KLF10: variants seen among roughly 807,000 people sequenced by gnomAD.
KLF10 encodes the protein Krueppel-like factor 10.
A neutral mutation model predicts 31.6 loss-of-function variants in KLF10; 17 were observed. That is an observed-to-expected ratio of 0.54 (90% CI 0.37 to 0.81). The LOEUF (loss-of-function observed/expected upper bound fraction) is 0.81. Among genes scored for constraint, KLF10 ranks in the 30% least tolerant of loss-of-function variants. The pLI, the probability that KLF10 is intolerant of heterozygous loss-of-function variation, is 0.00. For synonymous variants in KLF10, 239 were observed against 215.1 expected (o/e 1.11, Z -0.97); for missense variants, 525 against 598.1 (o/e 0.88, Z 1.27).
At position 102,649,084 on chromosome 8, in the gene KLF10, T is replaced by G. The variant is rs1457097095; in HGVS notation, c.*1048A>C. On this transcript the variant is annotated 3_prime_UTR_variant, in exon 4 of 4. Transcript: ENST00000285407. ...AAAGTGAATGTTCTAATAATTTTTC[T>G]ACCCAACTACCTCCACATCCCCAAA... 6.6e-6 allele frequency: 1 copy of G among 152,280 alleles called. No individual in the cohort carries two copies. Among genetic ancestry groups the G allele is most frequent in the Non-Finnish European group, 1.5e-5 (1 of 67,980 alleles). 9.4% of individuals were successfully genotyped at this position (152,280 alleles called of 1,614,324 possible).
rs754853764 is a variant in KLF10 at position 102,651,479 on chromosome 8, C to T, written c.853G>A (p.Val285Ile). The T allele has an allele frequency of 1.1e-5, 18 of 1,613,796 alleles. No individual in the cohort carries two copies. Among genetic ancestry groups the T allele is most frequent in the Admixed American group, 1.7e-5 (1 of 59,984 alleles). Residue 285 changes from valine to isoleucine, a missense_variant, in exon 3 of 4, where the codon GTT (valine) becomes ATT (isoleucine). Val to Ile is a conservative substitution (Grantham distance 29). This residue lies in a region of KLF10 where 434 missense variants were observed against 450.7 expected (regional missense o/e 0.96). Transcript: ENST00000285407. The stretch of plus-strand genomic sequence containing the variant: ...GTGCTGGGAACGACTGTTGTCACAA[C>T]AGGGTTGTTGGCAGGAAGGGGAACC... ...QMVPLPANNP[V>I]VTTVVPSTPP...
rs1332327411 is a variant in KLF10 at position 102,652,245 on chromosome 8, T to C, written c.189A>G (p.Arg63=). The change falls in exon 2 of 4, where the codon AGA becomes AGG. Residue 63 remains arginine, a synonymous_variant. Coordinates refer to ENST00000285407, the MANE Select transcript of KLF10 (RefSeq NM_005655.4). ...KSDFKKYVEN[R]PVTPVSDLSE... ...ACAAATCAGATACTGGTGTAACAGG[T>C]CTGTTTTCAACGTATTTCTTAAAAT... The C allele has an allele frequency of 6.2e-7, 1 of 1,613,272 alleles. No individual in the cohort carries two copies. Among genetic ancestry groups the C allele is most frequent in the Non-Finnish European group, 8.5e-7 (1 of 1,179,562 alleles).
chr8:102,649,894 G>C lies in KLF10; in HGVS notation c.*238C>G. On this transcript the variant is annotated 3_prime_UTR_variant, in exon 4 of 4. Transcript: ENST00000285407. Reference sequence around the variant, plus strand: ...TGAAACCTTCAAAAAATATTCAAAGGAATAAAAGCTTTCTCATCTCTCTTA... The same window carrying C: ...TGAAACCTTCAAAAAATATTCAAAGCAATAAAAGCTTTCTCATCTCTCTTA... 1.8e-6 allele frequency: 1 copy of C among 557,730 alleles called. No individual in the cohort carries two copies. Among genetic ancestry groups the C allele is most frequent in the East Asian group, 2.9e-5 (1 of 34,000 alleles). 34.5% of individuals were successfully genotyped at this position (557,730 alleles called of 1,614,324 possible).
intron 1 of KLF10, among the ~76,000 whole-genome samples, chr8:102,652,795 C>G (rs1827248734): frequency 1.3e-5 from 2 of 152,042 alleles, no homozygotes; most frequent in African/African-American, 2.4e-5. Flanking sequence ...TATAGACTTT[C>G]CAGAGTAGCT....
intron 1 of KLF10, chr8:102,653,358 G>T: frequency 2.1e-6 from 2 of 944,448 alleles, no homozygotes; most frequent in East Asian, 3.1e-5. Flanking sequence ...ATTCCTTAAA[G>T]AACTGCTTGA....
intron 3 of KLF10, 123 bp from the exon 4 acceptor site, chr8:102,650,514 C>CA: frequency 1.0e-6 from 1 of 998,288 alleles, no homozygotes; most frequent in South Asian, 1.7e-5. Context: ...ATCAAACTGT[C>CA]AAATGAATAT....
rs1435850586 is a variant in KLF10, at chr8:102,651,178, T to C, written c.1154A>G (p.His385Arg). The C allele has an allele frequency of 6.6e-7, 1 of 1,510,960 alleles. No homozygotes were observed. The allele number at this position is 1,510,960 out of a possible 1,614,324, so 93.6% of individuals were successfully genotyped here. The change falls in exon 3 of 4, where the codon CAT becomes CGT. Residue 385 changes from histidine to arginine, a missense_variant. His to Arg is a conservative substitution (Grantham distance 29, BLOSUM62 0). Coordinates refer to ENST00000285407, the MANE Select transcript of KLF10 (RefSeq NM_005655.4). Reference sequence around the variant, plus strand: ...GTGCGTCCTCGTGTGGGCCTTCAGATGGGAACTTTTAAAGTATGTCTTGCC... The same window carrying C: ...GTGCGTCCTCGTGTGGGCCTTCAGACGGGAACTTTTAAAGTATGTCTTGCC... ...GCGKTYFKSS[H>R]LKAHTRTHTG... is the part of the protein sequence containing the mutation.
chr8:102,655,541 A>C (rs1218256192), intron 1 of KLF10, 25 bp downstream of exon 1: 1 of 1,614,052 alleles, frequency 6.2e-7, no homozygotes, highest in East Asian at 2.2e-5. Context: ...GCGAGGAAGC[A>C]CAGGGGCATC....
intron 1 of KLF10, chr8:102,653,552 T>G: frequency 2.0e-6 from 3 of 1,483,514 alleles, no homozygotes; most frequent in South Asian, 2.8e-5. Context: ...CCAAAAAACA[T>G]TCTTTACGTT....
At chr8:102,653,730 C>A in intron 1 of KLF10, 1 of 1,177,886 alleles carries the variant, frequency 8.5e-7, no homozygotes, top group Non-Finnish European at 1.0e-6. Context: ...TGTAACAGCC[C>A]CAAGACGCCA....
chr8:102,651,623 C>CT lies in KLF10; in HGVS notation c.708dup (p.Glu237ArgfsTer126). Reference sequence around the variant, plus strand: ...GGCTGAGACCTGCAGATGACCGTCTCTGAGGAAGGCACAGAAAAGTCATAA... The same window carrying CT: ...GGCTGAGACCTGCAGATGACCGTCTCTTGAGGAAGGCACAGAAAAGTCATAA... On this transcript the variant is annotated frameshift_variant, in exon 3 of 4. Transcript: ENST00000285407. LOFTEE classifies it high-confidence loss of function. The CT allele has an allele frequency of 6.2e-7, 1 of 1,614,222 alleles. No homozygotes were observed.
At chr8:102,653,791 G>C in intron 1 of KLF10, 1 of 1,075,046 alleles carries the variant, frequency 9.3e-7, no homozygotes, top group African/African-American at 1.7e-5. Context: ...GAGAGCGTGA[G>C]CTGGGAAGGA....
At chr8:102,655,524 AG>A (rs1275913977) in intron 1 of KLF10, 41 bp downstream of exon 1, 1 of 1,613,360 alleles carries the variant, frequency 6.2e-7, no homozygotes, top group African/African-American at 1.3e-5. Context: ...CCCCCAGACA[AG>A]ACCAGGCGAG....
intron 1 of KLF10, among the ~76,000 whole-genome samples, chr8:102,654,765 C>T (rs1827319488): frequency 6.6e-6 from 1 of 151,818 alleles, no homozygotes; most frequent in Non-Finnish European, 1.5e-5. Context: ...CGCGGCCCAG[C>T]TCCCCCCGCC....
chr8:102,650,792 G>C (rs574720313), intron 3 of KLF10, among the ~76,000 whole-genome samples: 11 of 150,758 alleles, frequency 7.3e-5, no homozygotes, highest in African/African-American at 2.2e-4. Context: ...CCTTATTAAA[G>C]TAACTACTCA....
At chr8:102,653,344 T>A in intron 1 of KLF10, 1 of 821,076 alleles carries the variant, frequency 1.2e-6, no homozygotes, top group African/African-American at 1.8e-5. Context: ...TAGAATCTAT[T>A]TTAATTCCTT....
At chr8:102,651,097 A>G in intron 3 of KLF10, 52 bp downstream of exon 3, 1 of 1,449,274 alleles carries the variant, frequency 6.9e-7, no homozygotes, top group Non-Finnish European at 9.2e-7. Context: ...ATGTGTGATC[A>G]CAGCCAAAAT....
chr8:102,655,577 G>A lies in KLF10; in HGVS notation c.25C>T (p.Gln9Ter), dbSNP rs763005009. Residue 9 changes from glutamine to a stop codon, truncating the protein, a stop_gained, in exon 1 of 4, where the codon CAG becomes TAG. Transcript: ENST00000285407. LOFTEE classifies it high-confidence loss of function. MLNFGASL[Q>*]QTAEERMEMI... ...CCCAAATGACTTACCGCAGTCTGCT[G>A]GAGAGAGGCACCGAAGTTGAGCATG... The A allele has an allele frequency of 6.2e-7, 1 of 1,614,198 alleles. No homozygotes were observed.
chr8:102,650,963 A>G (rs542167331), intron 3 of KLF10, among the ~76,000 whole-genome samples, 186 bp downstream of exon 3: 5 of 152,200 alleles, frequency 3.3e-5, no homozygotes, highest in South Asian at 4.1e-4. Context: ...TTGGTCTCCT[A>G]AAGTGCAAGG....
Sources: gnomAD v4.1 joint callset for allele counts (sites outside exome capture counted in the v4.1 genomes callset) on GRCh38, gnomAD v4.1.1 for gene constraint, gnomAD v4.1.1 regional missense constraint, MANE v1.5 for transcripts, NCBI Gene and HGNC (gene_info 2026-07-23, HGNC 2026-07-21) for gene names.